Variants in MAP4K4 observed in about 807,000 individuals in gnomAD.
MAP4K4 encodes HPK/GCK-like kinase HGK.
A neutral mutation model predicts 189.6 loss-of-function variants in MAP4K4; 38 were observed. That is an observed-to-expected ratio of 0.20 (90% CI 0.15 to 0.26). The LOEUF (loss-of-function observed/expected upper bound fraction) is 0.26, where lower values mean the gene tolerates loss of function less well. MAP4K4 is among the 10% of genes least tolerant of loss of function. The pLI is 1.00. For synonymous variants in MAP4K4, 610 were observed against 624.3 expected (o/e 0.98, Z 0.34); for missense variants, 1,054 against 1,726.9 (o/e 0.61, Z 6.91).
chr2:101,714,339 T>C (rs2047285074), intron 2 of MAP4K4, among the ~76,000 whole-genome samples: 1 of 152,226 alleles, frequency 6.6e-6, no homozygotes, highest in Admixed American at 6.5e-5. Context: ...TTTCCTGTAC[T>C]TGTGAAGAAA....
At chr2:101,811,370 CAAAAAAAA>C (rs71378177) in intron 3 of MAP4K4, among the ~76,000 whole-genome samples, 7 of 68,902 alleles carry the variant, frequency 1.0e-4, no homozygotes, top group Admixed American at 2.1e-4. Context: ...GACTGCGTCT[CAAAAAAAA>C]AAAAAAAAAA....
chr2:101,723,653 C>A (rs2053547965), intron 2 of MAP4K4, among the ~76,000 whole-genome samples: 1 of 152,110 alleles, frequency 6.6e-6, no homozygotes, highest in Admixed American at 6.5e-5. Flanking sequence ...TAGAAATGAT[C>A]TTTTGAAGGT....
intron 27 of MAP4K4, 130 bp from the exon 28 acceptor site, chr2:101,882,421 A>G (rs1173605179): frequency 5.0e-6 from 3 of 597,174 alleles, no homozygotes; most frequent in East Asian, 3.1e-5. Context: ...CACATCTCCA[A>G]CTTGTGACTT....
intron 31 of MAP4K4, among the ~76,000 whole-genome samples, chr2:101,888,468 T>TCTA: frequency 6.6e-6 from 1 of 152,186 alleles, no homozygotes; most frequent in Non-Finnish European, 1.5e-5. Flanking sequence ...TCACTCATGA[T>TCTA]TTCTCTTCCC....
At chr2:101,723,326 A>G (rs1238213080) in intron 2 of MAP4K4, among the ~76,000 whole-genome samples, 1 of 152,188 alleles carries the variant, frequency 6.6e-6, no homozygotes, top group Non-Finnish European at 1.5e-5. Context: ...ATAAACTAAT[A>G]CGCTAGTAAC....
chr2:101,832,797 ATGTTTT>A (rs775208368), intron 7 of MAP4K4, among the ~76,000 whole-genome samples: 2 of 111,338 alleles, frequency 1.8e-5, no homozygotes, highest in Non-Finnish European at 1.8e-5. Flanking sequence ...CCCCCACCCG[ATGTTTT>A]TGTTTTTGTT....
chr2:101,813,467 G>A (rs2095550126), intron 3 of MAP4K4, among the ~76,000 whole-genome samples: 1 of 152,164 alleles, frequency 6.6e-6, no homozygotes, highest in Non-Finnish European at 1.5e-5. Flanking sequence ...GCAGCTGTTC[G>A]TATTATTTCC....
intron 2 of MAP4K4, among the ~76,000 whole-genome samples, chr2:101,738,822 A>G (rs892330453): frequency 2.0e-5 from 3 of 151,948 alleles, no homozygotes; most frequent in Non-Finnish European, 2.9e-5. Context: ...GGCTGCCACC[A>G]TATTGTTGGT....
chr2:101,780,666 G>T (rs1405444726), intron 2 of MAP4K4, among the ~76,000 whole-genome samples: 1 of 152,190 alleles, frequency 6.6e-6, no homozygotes, highest in Non-Finnish European at 1.5e-5. Context: ...TGTAACCTGG[G>T]TTCCCCACTT....
chr2:101,841,234 G>A (rs1477119129), intron 10 of MAP4K4, among the ~76,000 whole-genome samples: 1 of 152,078 alleles, frequency 6.6e-6, no homozygotes, highest in Non-Finnish European at 1.5e-5. Flanking sequence ...GATACCATTA[G>A]CCTCTTGTCA....
intron 11 of MAP4K4, among the ~76,000 whole-genome samples, chr2:101,843,478 A>G (rs1163335638): frequency 6.6e-6 from 1 of 152,198 alleles, no homozygotes; most frequent in African/African-American, 2.4e-5. Flanking sequence ...TTGTTTTTGA[A>G]TAGGAGGAGC....
At chr2:101,822,745 C>T (rs1188463994) in intron 3 of MAP4K4, among the ~76,000 whole-genome samples, 1 of 152,100 alleles carries the variant, frequency 6.6e-6, no homozygotes, top group African/African-American at 2.4e-5. Flanking sequence ...CTCAGAGCCC[C>T]TACTCTTCCC....
chr2:101,787,524 G>A (rs926603024), intron 2 of MAP4K4, among the ~76,000 whole-genome samples: 3 of 152,318 alleles, frequency 2.0e-5, no homozygotes, highest in South Asian at 4.1e-4. Context: ...CCCAGCTAGC[G>A]CAGGCTTAAG....
intron 1 of MAP4K4, 34 bp downstream of exon 1, chr2:101,698,171 G>GGGCAGCCGGCAGCCGGCAGCCGGCAGCC: frequency 1.0e-6 from 1 of 959,354 alleles, no homozygotes; most frequent in African/African-American, 1.8e-5. Flanking sequence ...CGCGGGGAGC[G>GGGCAGCCGGCAGCCGGCAGCCGGCAGCC]GGCAGCCGGC....
intron 2 of MAP4K4, among the ~76,000 whole-genome samples, chr2:101,739,622 C>T (rs1487236120): frequency 6.6e-6 from 1 of 152,078 alleles, no homozygotes; most frequent in African/African-American, 2.4e-5. Flanking sequence ...ATTCTATTGA[C>T]TAAATAAAGA....
At chr2:101,733,820 A>T (rs1223916095) in intron 2 of MAP4K4, among the ~76,000 whole-genome samples, 3 of 152,164 alleles carry the variant, frequency 2.0e-5, no homozygotes, top group Non-Finnish European at 4.4e-5. Flanking sequence ...GTCCCGTTAC[A>T]GGAAGAGCAC....
chr2:101,773,404 C>G (rs2150385234), intron 2 of MAP4K4, among the ~76,000 whole-genome samples: 1 of 152,340 alleles, frequency 6.6e-6, no homozygotes, highest in African/African-American at 2.4e-5. Flanking sequence ...CTGGGTTCCC[C>G]ACCCCGCAAT....
chr2:101,867,217 T>C (rs745792785), exon 20 of MAP4K4: 2 of 1,599,192 alleles, frequency 1.3e-6, no homozygotes, highest in Non-Finnish European at 8.5e-7. Flanking sequence ...AACAGCATCA[T>C]CCAAGTCTGA....
chr2:101,822,753 C>T (rs2096144598), intron 3 of MAP4K4, among the ~76,000 whole-genome samples: 1 of 152,112 alleles, frequency 6.6e-6, no homozygotes, highest in Admixed American at 6.5e-5. Flanking sequence ...CCCTACTCTT[C>T]CCTGGATAGA....
Sources: allele counts gnomAD v4.1 joint callset (sites outside exome capture counted in the v4.1 genomes callset), GRCh38; gene constraint gnomAD v4.1.1; transcripts MANE v1.5; gene names NCBI Gene and HGNC (gene_info 2026-07-23, HGNC 2026-07-21).